Variants in TBC1D9 observed in about 807,000 individuals in gnomAD.
TBC1D9 encodes TBC1 domain family member 9A.
In TBC1D9, 63 loss-of-function variants were observed where a neutral mutation model predicts 132.0. The ratio of observed to expected loss-of-function variants is 0.48; its 90% CI spans 0.39 to 0.59. The LOEUF (loss-of-function observed/expected upper bound fraction) is 0.59, where lower values mean the gene tolerates loss of function less well. Among genes scored for constraint, TBC1D9 ranks in the 20% least tolerant of loss-of-function variants. TBC1D9 has a pLI of 0.00. For missense variants in TBC1D9, 1,261 were observed against 1,592.7 expected (o/e 0.79, Z 3.54); for synonymous variants, 610 against 609.9 (o/e 1.00, Z 0.00).
intron 16 of TBC1D9, among the ~76,000 whole-genome samples, chr4:140,632,303 G>A (rs936939616): frequency 6.8e-6 from 1 of 147,354 alleles, no homozygotes; most frequent in Non-Finnish European, 1.5e-5. Flanking sequence ...ATACCTATAT[G>A]ACAAGCAGTA....
chr4:140,720,653 C>T (rs546593804), intron 1 of TBC1D9, among the ~76,000 whole-genome samples: 1 of 152,232 alleles, frequency 6.6e-6, no homozygotes, highest in South Asian at 2.1e-4. Context: ...CAGCATATTA[C>T]CTGGGTGGTA....
chr4:140,670,809 G>C lies in TBC1D9; in HGVS notation c.1177C>G (p.Gln393Glu). Reference protein sequence around the residue: ...ANLKDRDFLVQRISDFLQQTT... With the variant: ...ANLKDRDFLVERISDFLQQTT... ...TGTTGCAGGAAATCTGAGATCCTCT[G>C]CACTAGAAAGTCTCTATCTTTCAAG... Residue 393 changes from glutamine (Q) to glutamate (E), a missense_variant, in exon 7 of 21, where the codon CAG (glutamine) becomes GAG (glutamate). Physicochemically the swap from Gln to Glu is conservative, Grantham distance 29 (BLOSUM62 2). Transcript: ENST00000442267. 2 of 1,614,010 alleles carry C rather than the reference G, an allele frequency of 1.2e-6. No homozygotes were observed. Among genetic ancestry groups the C allele is most frequent in the Non-Finnish European group, 1.7e-6 (2 of 1,179,856 alleles).
At chr4:140,739,255 G>A (rs1236496195) in intron 1 of TBC1D9, among the ~76,000 whole-genome samples, 1 of 152,142 alleles carries the variant, frequency 6.6e-6, no homozygotes, top group Non-Finnish European at 1.5e-5. Flanking sequence ...AAAGTGCTGG[G>A]ATTACAGGCT....
intron 3 of TBC1D9, among the ~76,000 whole-genome samples, chr4:140,685,591 C>T (rs1022994478): frequency 2.0e-5 from 3 of 152,048 alleles, no homozygotes; most frequent in African/African-American, 7.2e-5. Flanking sequence ...ATTACCTGTA[C>T]TGGAGTGGGG....
At chr4:140,628,407 G>T in intron 16 of TBC1D9, 42 bp from the exon 17 acceptor site, 1 of 1,523,446 alleles carries the variant, frequency 6.6e-7, no homozygotes, top group Non-Finnish European at 9.1e-7. Context: ...CATCACATGT[G>T]CTAATAAACT....
rs144448265 is a variant in TBC1D9 at position 140,733,754 on chromosome 4, C to A, written c.130+22162G>T. On this transcript the variant is annotated intron_variant, in intron 1 of 20. Coordinates refer to ENST00000442267, the MANE Select transcript of TBC1D9 (RefSeq NM_015130.3). ...GGAACTGCCTATGCGTTCTGTTTAA[C>A]TCTATATGTGACATAAAAATAATGC... 9.5e-4 allele frequency among the ~76,000 whole-genome samples: 144 copies of A among 152,238 alleles called. 3 individuals are homozygous for A. The East Asian group carries it at 0.024, about 25-fold the overall frequency.
intron 13 of TBC1D9, chr4:140,645,580 G>A (rs964369769): frequency 5.5e-5 from 15 of 275,088 alleles, no homozygotes; most frequent in Admixed American, 1.5e-4. Flanking sequence ...TCTTCCCCCA[G>A]TAGTAAGAAT....
At chr4:140,631,147 G>C (rs1736788423) in intron 16 of TBC1D9, among the ~76,000 whole-genome samples, 1 of 152,210 alleles carries the variant, frequency 6.6e-6, no homozygotes, top group African/African-American at 2.4e-5. Context: ...ATTATGCTAT[G>C]TTTATAAACT....
chr4:140,755,852 A>AG (rs70943501), intron 1 of TBC1D9, 64 bp downstream of exon 1: 1,461,087 of 1,461,100 alleles, frequency 1, 730,537 homozygotes, highest in Middle Eastern at 1. Flanking sequence ...CCTGCAGCCC[A>AG]GGCCGCGGGC....
At chr4:140,687,414 G>T in intron 2 of TBC1D9, among the ~76,000 whole-genome samples, 1 of 120,236 alleles carries the variant, frequency 8.3e-6, no homozygotes, top group African/African-American at 2.8e-5. Context: ...AGTATGCACT[G>T]CTCATTCCAG....
chr4:140,700,497 A>G (rs1237235235), intron 2 of TBC1D9, among the ~76,000 whole-genome samples: 1 of 151,782 alleles, frequency 6.6e-6, no homozygotes, highest in African/African-American at 2.4e-5. Flanking sequence ...AGAAGTTCTT[A>G]TGAGAGATCC....
At chr4:140,678,379 T>C (rs1737656388) in intron 5 of TBC1D9, among the ~76,000 whole-genome samples, 1 of 152,198 alleles carries the variant, frequency 6.6e-6, no homozygotes, top group African/African-American at 2.4e-5. Flanking sequence ...TGAAGGGTAA[T>C]TCCAGGCACA....
rs1314099515 is a variant in TBC1D9 at position 140,634,103 on chromosome 4, T to C, written c.2591A>G (p.Tyr864Cys). The C allele has an allele frequency of 6.2e-7, 1 of 1,614,038 alleles. No individual in the cohort carries two copies. The highest frequency in any genetic ancestry group is 1.7e-5 in the Admixed American group (1 of 60,030). Residue 864 changes from tyrosine to cysteine, a missense_variant, in exon 16 of 21, where the codon TAT (tyrosine) becomes TGT (cysteine). By Grantham distance (194) the Tyr-to-Cys change is radical. Around this residue, in one of 3 missense-constraint regions of TBC1D9, gnomAD observed 618 missense variants for 724.4 expected, o/e 0.85. Transcript: ENST00000442267. ...HDPSLPYLEQ[Y>C]RIDFEQFKGM... is the part of the protein sequence containing the mutation. ...CTTGAACTGCTCGAAGTCAATGCGA[T>C]ACTGTTCCAGGTAGGGCAGGCTGGG...
intron 1 of TBC1D9, among the ~76,000 whole-genome samples, chr4:140,724,229 CT>C (rs1738465241): frequency 6.6e-6 from 1 of 152,214 alleles, no homozygotes; most frequent in Admixed American, 6.5e-5. Flanking sequence ...TCTACCTCTT[CT>C]TTCTCACCAT....
chr4:140,626,062 A>G (rs1736705924), intron 18 of TBC1D9, among the ~76,000 whole-genome samples: 1 of 152,210 alleles, frequency 6.6e-6, no homozygotes, highest in Non-Finnish European at 1.5e-5. Flanking sequence ...TTCTAAAACA[A>G]GAGAATCCCT....
intron 1 of TBC1D9, among the ~76,000 whole-genome samples, chr4:140,707,531 C>T (rs543271771): frequency 1.4e-4 from 22 of 152,306 alleles, no homozygotes; most frequent in Non-Finnish European, 2.6e-4. Context: ...TTTCTGTAGG[C>T]CACCTGCTGC....
chr4:140,755,837 C>T, intron 1 of TBC1D9, 79 bp downstream of exon 1: 3 of 1,312,870 alleles, frequency 2.3e-6, no homozygotes, highest in African/African-American at 2.6e-5. Flanking sequence ...GCGGCGTCTC[C>T]CGAGCCTGCA....
intron 15 of TBC1D9, 118 bp from the exon 16 acceptor site, chr4:140,634,306 G>C (rs2110971358): frequency 7.0e-7 from 1 of 1,423,006 alleles, no homozygotes; most frequent in East Asian, 2.3e-5. Flanking sequence ...CCCTGGGGCA[G>C]GGCTGTGGCC....
intron 1 of TBC1D9, among the ~76,000 whole-genome samples, chr4:140,746,430 A>G (rs571396100): frequency 6.6e-6 from 1 of 152,292 alleles, no homozygotes; most frequent in East Asian, 1.9e-4. Context: ...AGCTTTTATT[A>G]GATTTTCAAA....
Sources: allele counts gnomAD v4.1 joint callset (sites outside exome capture counted in the v4.1 genomes callset), GRCh38; gene constraint gnomAD v4.1.1; regional missense constraint gnomAD v4.1.1; transcripts MANE v1.5; gene names NCBI Gene and HGNC (gene_info 2026-07-23, HGNC 2026-07-21).